Variants in CSMD1 observed in about 807,000 individuals in gnomAD.
CSMD1 encodes the protein CUB and Sushi multiple domains 1.
CSMD1 carries 213 observed loss-of-function variants against 417.5 expected under a neutral mutation model. The observed-to-expected ratio is 0.51, with a 90% CI of 0.46 to 0.57. CSMD1 has a LOEUF of 0.57. CSMD1 is among the 20% of genes least tolerant of loss of function. The pLI is 0.00. For synonymous variants in CSMD1, 2,862 were observed against 1,736.8 expected (o/e 1.65, Z -16.11); for missense variants, 6,923 against 4,529.7 (o/e 1.53, Z -15.17).
chr8:3,443,798 A>C (rs1038984635), intron 12 of CSMD1, among the ~76,000 whole-genome samples: 5 of 152,228 alleles, frequency 3.3e-5, no homozygotes, highest in African/African-American at 1.2e-4. Context: ...TGAAGTGTAA[A>C]CATGAATGCA....
intron 26 of CSMD1, among the ~76,000 whole-genome samples, chr8:3,264,280 T>C (rs1297625154): frequency 6.6e-6 from 1 of 152,218 alleles, no homozygotes; most frequent in Non-Finnish European, 1.5e-5. Flanking sequence ...GGTTTGGAAT[T>C]TCATTATGTT....
intron 5 of CSMD1, among the ~76,000 whole-genome samples, chr8:3,847,669 G>A (rs1803602174): frequency 6.6e-6 from 1 of 151,896 alleles, no homozygotes; most frequent in Non-Finnish European, 1.5e-5. Context: ...CTGCATTTCT[G>A]GTCATTTGCT....
intron 1 of CSMD1, among the ~76,000 whole-genome samples, chr8:4,978,284 C>G (rs1417880882): frequency 6.6e-6 from 1 of 152,132 alleles, no homozygotes; most frequent in African/African-American, 2.4e-5. Flanking sequence ...GGTATAGCAG[C>G]TTTTTCAACT....
chr8:3,995,980 GTC>G (rs1301022595), intron 5 of CSMD1, among the ~76,000 whole-genome samples: 13 of 152,148 alleles, frequency 8.5e-5, no homozygotes, highest in Admixed American at 3.3e-4. Flanking sequence ...GACAGTGGTA[GTC>G]TCTCTGGCTA....
intron 3 of CSMD1, among the ~76,000 whole-genome samples, chr8:4,366,785 G>C (rs1398244537): frequency 2.0e-5 from 3 of 152,010 alleles, no homozygotes; most frequent in Non-Finnish European, 2.9e-5. Context: ...ATATACATGT[G>C]CCATGCTGCT....
chr8:3,564,783 G>C (rs1236834707), intron 10 of CSMD1, among the ~76,000 whole-genome samples: 1 of 151,978 alleles, frequency 6.6e-6, no homozygotes, highest in Non-Finnish European at 1.5e-5. Flanking sequence ...CTTGAAAGGG[G>C]TGATGACAGA....
chr8:4,165,058 G>C (rs947693704), intron 3 of CSMD1, among the ~76,000 whole-genome samples: 1 of 152,132 alleles, frequency 6.6e-6, no homozygotes, highest in African/African-American at 2.4e-5. Flanking sequence ...AGGCTGTGTA[G>C]ACAGTGAAGT....
chr8:4,276,755 C>A (rs1199479511), intron 3 of CSMD1, among the ~76,000 whole-genome samples: 1 of 152,074 alleles, frequency 6.6e-6, no homozygotes, highest in Non-Finnish European at 1.5e-5. Context: ...TTTGATGTTT[C>A]TGTGTAGAAG....
intron 1 of CSMD1, among the ~76,000 whole-genome samples, chr8:4,847,739 C>A (rs189507283): frequency 1.3e-5 from 2 of 150,884 alleles, no homozygotes; most frequent in African/African-American, 2.4e-5. Context: ...TTTTCAGGAC[C>A]GTTGGTCAGG....
chr8:4,773,663 T>C (rs760695162), intron 1 of CSMD1, among the ~76,000 whole-genome samples: 1 of 152,204 alleles, frequency 6.6e-6, no homozygotes. Flanking sequence ...AATGTGTTTG[T>C]GCAGCCTTTA....
chr8:4,375,417 G>A (rs184407961), intron 3 of CSMD1, among the ~76,000 whole-genome samples: 3 of 152,274 alleles, frequency 2.0e-5, no homozygotes, highest in Non-Finnish European at 2.9e-5. Flanking sequence ...ATGAGCACAA[G>A]CATCTTGTAC....
chr8:4,673,391 G>C (rs1040149500), intron 1 of CSMD1, among the ~76,000 whole-genome samples: 2 of 152,166 alleles, frequency 1.3e-5, no homozygotes, highest in Non-Finnish European at 2.9e-5. Flanking sequence ...GTGACCTGCT[G>C]CCATCTGTAA....
At chr8:4,829,373 A>C (rs1420862858) in intron 1 of CSMD1, among the ~76,000 whole-genome samples, 2 of 152,198 alleles carry the variant, frequency 1.3e-5, no homozygotes, top group Admixed American at 6.5e-5. Context: ...ACTCTGCTAA[A>C]AGCTAAAAAC....
intron 8 of CSMD1, among the ~76,000 whole-genome samples, chr8:3,589,407 C>A (rs1280964577): frequency 7.1e-6 from 1 of 141,594 alleles, no homozygotes; most frequent in African/African-American, 2.8e-5. Flanking sequence ...TGTGTGTGTT[C>A]ACGCGTGTGT....
chr8:4,036,969 GT>G (rs1797652347), intron 3 of CSMD1, among the ~76,000 whole-genome samples: 1 of 149,650 alleles, frequency 6.7e-6, no homozygotes, highest in Non-Finnish European at 1.5e-5. Flanking sequence ...GTGTGTGTGT[GT>G]GTGTGTGTGT....
chr8:4,061,250 G>C (rs932219243), intron 3 of CSMD1, among the ~76,000 whole-genome samples: 6 of 152,162 alleles, frequency 3.9e-5, no homozygotes, highest in Non-Finnish European at 8.8e-5. Flanking sequence ...GCTGTTCTAA[G>C]TTAGACACAG....
chr8:3,805,180 C>A (rs1454724850), intron 5 of CSMD1, among the ~76,000 whole-genome samples: 1 of 152,122 alleles, frequency 6.6e-6, no homozygotes, highest in Non-Finnish European at 1.5e-5. Flanking sequence ...CACAATATTC[C>A]CCAGGACTAC....
intron 5 of CSMD1, among the ~76,000 whole-genome samples, chr8:3,898,985 T>G (rs1006277563): frequency 3.3e-5 from 5 of 152,154 alleles, no homozygotes; most frequent in Non-Finnish European, 7.3e-5. Context: ...ATACAGTACA[T>G]ATTTCAGTGC....
chr8:3,699,856 A>G lies in CSMD1; in HGVS notation c.1009+8558T>C, dbSNP rs141244016. ...TTCCCACACGACACACCATCCCATA[A>G]CTACATCCCTGGGTTATATCCCATA... On this transcript the variant is annotated intron_variant, in intron 7 of 69. Transcript: ENST00000635120. Among the ~76,000 whole-genome samples the G allele has an allele frequency of 2.3e-3, 338 of 147,734 alleles. 2 individuals are homozygous for G. Among genetic ancestry groups the G allele is most frequent in the African/African-American group, 8.3e-3 (312 of 37,542 alleles).
Sources: allele counts gnomAD v4.1 joint callset (sites outside exome capture counted in the v4.1 genomes callset), GRCh38; gene constraint gnomAD v4.1.1; transcripts MANE v1.5; gene names NCBI Gene and HGNC (gene_info 2026-07-23, HGNC 2026-07-21).